Variants in FAM227B observed in about 807,000 individuals in gnomAD.
FAM227B encodes protein FAM227B.
Under a neutral mutation model 73.8 loss-of-function variants are expected in FAM227B, and 88 were observed. The observed-to-expected ratio is 1.19, with a 90% CI of 1.00 to 1.42. FAM227B has a LOEUF of 1.42. Among genes scored for constraint, FAM227B ranks in the 40% most tolerant of loss-of-function variants. FAM227B has a pLI of 0.00. For synonymous variants in FAM227B, 210 were observed against 190.5 expected, an observed-to-expected ratio of 1.10 and a Z score of -0.84; for missense variants, 632 against 590.9, an observed-to-expected ratio of 1.07 and a Z score of -0.72.
chr15:49,479,146 T>C (rs2055645796), intron 11 of FAM227B, among the ~76,000 whole-genome samples: 1 of 152,198 alleles, frequency 6.6e-6, no homozygotes, highest in Non-Finnish European at 1.5e-5. Context: ...TCCTAAATAA[T>C]AAATTTGTGC....
intron 11 of FAM227B, among the ~76,000 whole-genome samples, chr15:49,460,784 C>G (rs1347280625): frequency 6.6e-6 from 1 of 152,146 alleles, no homozygotes; most frequent in Non-Finnish European, 1.5e-5. Context: ...ATTTTCTGTC[C>G]TTAGCAGAGA....
In FAM227B at chr15:49,616,037, TG is replaced by T. The variant is rs1419615927; in HGVS notation, c.-72-795del. Among the ~76,000 whole-genome samples the T allele has an allele frequency of 2.0e-5, 3 of 152,324 alleles. No individual in the cohort carries two copies. The South Asian group carries it at 6.2e-4, about 32-fold the overall frequency. On this transcript the variant is annotated intron_variant, in intron 1 of 15. Coordinates refer to ENST00000299338, the MANE Select transcript of FAM227B (RefSeq NM_152647.3). The stretch of plus-strand genomic sequence containing the variant: ...ACTATTTCTTCCTTTCTTCCTTAAA[TG>T]TTTGGTGGACACTGCTAGTTATGTT...
At chr15:49,471,825 A>G (rs920304098) in intron 11 of FAM227B, among the ~76,000 whole-genome samples, 3 of 152,108 alleles carry the variant, frequency 2.0e-5, no homozygotes, top group African/African-American at 4.8e-5. Flanking sequence ...TGACACGTGT[A>G]TCAAGATCTA....
intron 11 of FAM227B, among the ~76,000 whole-genome samples, chr15:49,415,298 T>A (rs1267088999): frequency 6.6e-6 from 1 of 152,204 alleles, no homozygotes; most frequent in African/African-American, 2.4e-5. Context: ...ACAAGGTCTT[T>A]GTGTTTGTCA....
chr15:49,577,612 A>G lies in FAM227B; in HGVS notation c.441+17T>C, dbSNP rs2075538366. The G allele has an allele frequency of 6.6e-7, 1 of 1,518,466 alleles. No individual in the cohort carries two copies. Among genetic ancestry groups the G allele is most frequent in the Non-Finnish European group, 9.0e-7 (1 of 1,109,680 alleles). 94.1% of individuals were successfully genotyped at this position (1,518,466 alleles called of 1,614,324 possible). ...TACACTTGATATACAATCTGGCAGA[A>G]CAGAAATTTTAAGTACCTCTATATT... is the stretch of plus-strand genomic sequence containing the variant. On this transcript the variant is annotated intron_variant, in intron 6 of 15. Transcript: ENST00000299338.
chr15:49,350,783 T>A (rs2042127755), intron 13 of FAM227B, among the ~76,000 whole-genome samples: 1 of 152,168 alleles, frequency 6.6e-6, no homozygotes. Context: ...GACTTTTCCT[T>A]TCCTAACAGT....
At chr15:49,503,064 T>C (rs1243352600) in intron 11 of FAM227B, among the ~76,000 whole-genome samples, 1 of 151,478 alleles carries the variant, frequency 6.6e-6, no homozygotes, top group Non-Finnish European at 1.5e-5. Flanking sequence ...ATGGTCCTGG[T>C]ACCAAAACAG....
chr15:49,421,889 C>G (rs1302745443), intron 11 of FAM227B, among the ~76,000 whole-genome samples: 2 of 152,094 alleles, frequency 1.3e-5, no homozygotes, highest in African/African-American at 4.8e-5. Context: ...TCAACAGATG[C>G]AATGATCAAA....
At chr15:49,373,975 C>T (rs1018033579) in intron 11 of FAM227B, among the ~76,000 whole-genome samples, 2 of 152,058 alleles carry the variant, frequency 1.3e-5, no homozygotes, top group Non-Finnish European at 2.9e-5. Context: ...AGGCCTCATA[C>T]CTGCATTAAA....
intron 5 of FAM227B, among the ~76,000 whole-genome samples, chr15:49,584,286 C>G (rs758299149): frequency 6.6e-6 from 1 of 152,198 alleles, no homozygotes; most frequent in Non-Finnish European, 1.5e-5. Context: ...TCAATAGATG[C>G]AGAAAAGGCT....
At chr15:49,435,256 T>C (rs1303960317) in intron 11 of FAM227B, among the ~76,000 whole-genome samples, 5 of 151,636 alleles carry the variant, frequency 3.3e-5, no homozygotes, top group African/African-American at 9.7e-5. Flanking sequence ...GTAATCTTTA[T>C]GGAGTTTTTT....
chr15:49,489,854 TA>T (rs2056849537), intron 11 of FAM227B, among the ~76,000 whole-genome samples: 1 of 15,664 alleles, frequency 6.4e-5, no homozygotes, highest in Non-Finnish European at 1.3e-4. Context: ...TATATATATA[TA>T]TATTTTATAT....
chr15:49,589,193 C>A (rs995292983), intron 4 of FAM227B, among the ~76,000 whole-genome samples: 2 of 152,098 alleles, frequency 1.3e-5, no homozygotes, highest in African/African-American at 4.8e-5. Context: ...CCAGCTACCC[C>A]TAGAAACTAG....
intron 11 of FAM227B, among the ~76,000 whole-genome samples, chr15:49,449,679 T>G (rs781493832): frequency 6.6e-6 from 1 of 152,074 alleles, no homozygotes; most frequent in Non-Finnish European, 1.5e-5. Flanking sequence ...CAGGTCCCTT[T>G]CAGATGAATT....
chr15:49,449,974 A>G (rs1209758649), intron 11 of FAM227B, among the ~76,000 whole-genome samples: 1 of 152,136 alleles, frequency 6.6e-6, no homozygotes, highest in African/African-American at 2.4e-5. Context: ...GTCATGCTCA[A>G]TCACAAACTA....
chr15:49,346,593 C>T (rs978417361), intron 13 of FAM227B, among the ~76,000 whole-genome samples: 1 of 152,122 alleles, frequency 6.6e-6, no homozygotes, highest in African/African-American at 2.4e-5. Context: ...CAGAACAGAC[C>T]TGGACCTCGG....
At chr15:49,418,573 C>T (rs1029109849) in intron 11 of FAM227B, among the ~76,000 whole-genome samples, 1 of 152,096 alleles carries the variant, frequency 6.6e-6, no homozygotes, top group Non-Finnish European at 1.5e-5. Context: ...TATTCTCCCA[C>T]TTATAAATAG....
At chr15:49,365,826 T>C in intron 13 of FAM227B, 1 of 873,558 alleles carries the variant, frequency 1.1e-6, no homozygotes, top group Non-Finnish European at 2.0e-6. Flanking sequence ...TAAGTCTCAC[T>C]TCCATGCTTT....
chr15:49,400,692 T>C (rs1451546410), intron 11 of FAM227B, among the ~76,000 whole-genome samples: 10 of 144,390 alleles, frequency 6.9e-5, no homozygotes, highest in Middle Eastern at 3.5e-3. Flanking sequence ...TCAGAAATAA[T>C]GCCACATATC....
Sources: allele counts gnomAD v4.1 joint callset (sites outside exome capture counted in the v4.1 genomes callset), GRCh38; gene constraint gnomAD v4.1.1; transcripts MANE v1.5; gene names NCBI Gene and HGNC (gene_info 2026-07-23, HGNC 2026-07-21).